LCMT1: variants seen among roughly 807,000 people sequenced by gnomAD.
The protein encoded by LCMT1 is leucine carboxyl methyltransferase 1, also known as [Phosphatase 2A protein]-leucine-carboxy methyltransferase 1.
LCMT1 carries 32 observed loss-of-function variants against 47.7 expected under a neutral mutation model. That is an observed-to-expected ratio of 0.67 (90% CI 0.51 to 0.90). The LOEUF (loss-of-function observed/expected upper bound fraction) is 0.90, where lower values mean the gene tolerates loss of function less well. Among genes scored for constraint, LCMT1 ranks in the 40% least tolerant of loss-of-function variants. LCMT1 has a pLI of 0.00. For missense variants in LCMT1, 375 were observed against 415.2 expected, an observed-to-expected ratio of 0.90 and a Z score of 0.84; for synonymous variants, 152 against 149.7, an observed-to-expected ratio of 1.02 and a Z score of -0.11.
chr16:25,143,950 T>C (rs1960771487), intron 4 of LCMT1: 1 of 152,294 alleles, frequency 6.6e-6, no homozygotes, highest in Admixed American at 6.5e-5. Context: ...CCTCTTGCTC[T>C]TGTTGTGAGT....
At position 25,176,615 on chromosome 16, in the gene LCMT1, G is replaced by A. The variant is rs78346773; in HGVS notation, c.983-1386G>A. ...TCTTGCTCATTGTCCAGGCTGGAGT[G>A]CAGTAGCATGATCTCGTCTCACTGC... On this transcript the variant is annotated intron_variant, in intron 10 of 10. Coordinates refer to ENST00000399069, the MANE Select transcript of LCMT1 (RefSeq NM_016309.3). 5.6e-3 allele frequency among the ~76,000 whole-genome samples: 641 copies of A among 114,450 alleles called. 7 individuals are homozygous for A. The highest frequency in any genetic ancestry group is 0.02 in the African/African-American group (608 of 29,776). The allele number at this position is 114,450 out of a possible 152,430, so 75.1% of individuals were successfully genotyped here.
chr16:25,134,067 A>ATT (rs993954679), intron 3 of LCMT1, among the ~76,000 whole-genome samples: 1 of 140,682 alleles, frequency 7.1e-6, no homozygotes. Flanking sequence ...CACTAATTGC[A>ATT]TTTTTTTTTT....
intron 1 of LCMT1, among the ~76,000 whole-genome samples, chr16:25,127,337 A>G (rs939774888): frequency 1.9e-4 from 29 of 152,302 alleles, no homozygotes; most frequent in African/African-American, 7.0e-4. Context: ...CTGTGTGGGT[A>G]TGCTGTTTTC....
intron 1 of LCMT1, among the ~76,000 whole-genome samples, chr16:25,115,800 C>T (rs928180918): frequency 6.6e-6 from 1 of 152,130 alleles, no homozygotes; most frequent in East Asian, 1.9e-4. Context: ...ACTTCAGCCT[C>T]CCGAGTAGCT....
chr16:25,156,159 G>A (rs1011730327), intron 5 of LCMT1, among the ~76,000 whole-genome samples: 9 of 152,044 alleles, frequency 5.9e-5, no homozygotes, highest in East Asian at 3.8e-4. Flanking sequence ...CCCTGACTAC[G>A]AGGTTAAAGA....
chr16:25,120,245 T>C (rs1290617211), intron 1 of LCMT1, among the ~76,000 whole-genome samples: 8 of 150,980 alleles, frequency 5.3e-5, no homozygotes, highest in African/African-American at 1.7e-4. Flanking sequence ...TTTTTTGAGA[T>C]GGAGGTTCGC....
At chr16:25,171,411 C>CA (rs924483892) in intron 9 of LCMT1, among the ~76,000 whole-genome samples, 3 of 150,800 alleles carry the variant, frequency 2.0e-5, no homozygotes, top group South Asian at 2.1e-4. Context: ...GACTGCTTCT[C>CA]AAAAAAACAA....
chr16:25,170,684 T>G, intron 8 of LCMT1, 30 bp from the exon 9 acceptor site: 1 of 1,554,544 alleles, frequency 6.4e-7, no homozygotes, highest in Non-Finnish European at 8.9e-7. Flanking sequence ...AGTTCTCTAG[T>G]TCTCCATTTC....
chr16:25,120,184 A>G (rs1307539890), intron 1 of LCMT1, among the ~76,000 whole-genome samples: 1 of 151,482 alleles, frequency 6.6e-6, no homozygotes, highest in African/African-American at 2.4e-5. Flanking sequence ...AAAAACCCCA[A>G]AAAACCTTGT....
chr16:25,173,115 T>G (rs770430451), intron 9 of LCMT1, among the ~76,000 whole-genome samples: 5 of 152,092 alleles, frequency 3.3e-5, no homozygotes, highest in Non-Finnish European at 5.9e-5. Context: ...AACTGTAGAG[T>G]ATAATAGGAA....
chr16:25,121,652 A>G (rs4787303), intron 1 of LCMT1, among the ~76,000 whole-genome samples: 152,252 of 152,254 alleles, frequency 1, 76,125 homozygotes, highest in Middle Eastern at 1. Context: ...AGGAGAAGCA[A>G]GTACCTTCTT....
At chr16:25,126,681 A>C (rs1216099654) in intron 1 of LCMT1, among the ~76,000 whole-genome samples, 5 of 152,230 alleles carry the variant, frequency 3.3e-5, no homozygotes, top group African/African-American at 1.2e-4. Flanking sequence ...AGAGGATAGA[A>C]CCTGCTCTTT....
At chr16:25,130,354 A>G (rs1038862383) in intron 2 of LCMT1, among the ~76,000 whole-genome samples, 3 of 150,102 alleles carry the variant, frequency 2.0e-5, no homozygotes, top group African/African-American at 7.4e-5. Flanking sequence ...AAAAAAAAAA[A>G]AAAATTCTTC....
intron 7 of LCMT1, among the ~76,000 whole-genome samples, chr16:25,167,999 C>T (rs1029466178): frequency 4.6e-5 from 7 of 151,748 alleles, no homozygotes; most frequent in Admixed American, 3.9e-4. Context: ...TCAAGTGATC[C>T]GCCCACCTCG....
intron 2 of LCMT1, chr16:25,132,134 T>C (rs201734371): frequency 9.9e-6 from 5 of 505,968 alleles, no homozygotes; most frequent in South Asian, 7.2e-5. Flanking sequence ...AAAACACTTA[T>C]TTTTCATACA....
At chr16:25,132,243 G>T in intron 2 of LCMT1, 159 bp from the exon 3 acceptor site, 8 of 810,734 alleles carry the variant, frequency 9.9e-6, no homozygotes, top group East Asian at 8.1e-5. Context: ...AAAAAAATTT[G>T]AAAGTTGCTG....
At chr16:25,156,997 G>A (rs1961279152) in intron 5 of LCMT1, among the ~76,000 whole-genome samples, 1 of 148,506 alleles carries the variant, frequency 6.7e-6, no homozygotes, top group African/African-American at 2.5e-5. Flanking sequence ...GAACCTAAAA[G>A]GTCACTTTGC....
chr16:25,116,154 A>G (rs531408896), intron 1 of LCMT1, among the ~76,000 whole-genome samples: 22 of 152,280 alleles, frequency 1.4e-4, no homozygotes, highest in African/African-American at 4.6e-4. Flanking sequence ...TTAGACCTTT[A>G]GGATATGGGC....
intron 9 of LCMT1, 27 bp from the exon 10 acceptor site, chr16:25,174,910 A>G (rs1961883705): frequency 7.9e-7 from 1 of 1,267,752 alleles, no homozygotes; most frequent in Non-Finnish European, 1.1e-6. Context: ...AGACACTTGC[A>G]TCGTTCTATT....
Sources: gnomAD v4.1 joint callset for allele counts (sites outside exome capture counted in the v4.1 genomes callset) on GRCh38, gnomAD v4.1.1 for gene constraint, MANE v1.5 for transcripts, NCBI Gene and HGNC (gene_info 2026-07-23, HGNC 2026-07-21) for gene names.